ZNF696: variants seen among roughly 807,000 people sequenced by gnomAD.
ZNF696 encodes the protein zinc finger protein 696.
ZNF696 carries 10 observed loss-of-function variants against 12.3 expected under a neutral mutation model. The observed-to-expected ratio is 0.81, with a 90% confidence interval of 0.50 to 1.38. The LOEUF (loss-of-function observed/expected upper bound fraction) is 1.38. Among genes scored for constraint, ZNF696 ranks in the 40% most tolerant of loss-of-function variants. ZNF696 has a pLI of 0.00. For missense variants in ZNF696, 675 were observed against 554.7 expected (o/e 1.22, Z -2.18); for synonymous variants, 304 against 243.9 (o/e 1.25, Z -2.29).
Position 143,296,287 on chromosome 8 carries a change from G to A in ZNF696, c.612G>A (p.Thr204=). The A allele has an allele frequency of 3.1e-6, 5 of 1,598,236 alleles. No individual in the cohort carries two copies. Among genetic ancestry groups the A allele is most frequent in the South Asian group, 1.1e-5 (1 of 90,442 alleles). The change falls in exon 3 of 3, where the codon ACG becomes ACA. Residue 204 remains threonine (T), a synonymous_variant. Transcript: ENST00000330143. ...FNLLRHQRVH[T]GEKPYACADC... is the part of the protein sequence containing the mutation. ...TCCTCCGGCACCAGCGCGTGCACAC[G>A]GGCGAGAAGCCCTACGCGTGCGCCG...
At chr8:143,294,947 G>A (rs1815682964) in intron 2 of ZNF696, among the ~76,000 whole-genome samples, 1 of 152,124 alleles carries the variant, frequency 6.6e-6, no homozygotes, top group Non-Finnish European at 1.5e-5. Flanking sequence ...AAAATAGCCT[G>A]GTGTGGTGGT....
chr8:143,293,858 G>C (rs940340329), intron 2 of ZNF696, among the ~76,000 whole-genome samples: 1 of 152,230 alleles, frequency 6.6e-6, no homozygotes, highest in Admixed American at 6.5e-5. Context: ...CTCAGTGTCA[G>C]GGGTCTGCAA....
At chr8:143,293,128 G>GA (rs753449496) in intron 2 of ZNF696, 63 bp downstream of exon 2, 2 of 1,377,746 alleles carry the variant, frequency 1.5e-6, no homozygotes, top group Non-Finnish European at 2.1e-6. Flanking sequence ...AGGAATACAG[G>GA]AAAAACACCA....
intron 2 of ZNF696, among the ~76,000 whole-genome samples, chr8:143,294,080 TTGGC>T (rs1168332746): frequency 0.1 from 15,475 of 152,042 alleles, 971 homozygotes; most frequent in African/African-American, 0.17. Flanking sequence ...GCTGGCCTCG[TTGGC>T]CCCCCTCCTC....
rs761389751 is a variant in ZNF696, at chr8:143,293,046, C to A, written c.45C>A (p.Thr15=). The change falls in exon 2 of 3, where the codon ACC becomes ACA. Residue 15 remains threonine (T), a synonymous_variant. Transcript: ENST00000330143. ...GEPTGAKESS[T]LMESLAAVKA... is the part of the protein sequence containing the mutation. ...CCACAGGTGCTAAAGAGAGCAGTAC[C>A]CTGATGGAGTCCCTTGCAGGTGAGG... 2 of 1,613,992 alleles carry A rather than the reference C, an allele frequency of 1.2e-6. No individual in the cohort carries two copies. Among genetic ancestry groups the A allele is most frequent in the Non-Finnish European group, 1.7e-6 (2 of 1,179,986 alleles).
chr8:143,296,387 G>A lies in ZNF696; in HGVS notation c.712G>A (p.Ala238Thr), dbSNP rs1045938933. 1.3e-6 allele frequency: 2 copies of A among 1,585,994 alleles called. No individual in the cohort carries two copies. Among genetic ancestry groups the A allele is most frequent in the East Asian group, 2.3e-5 (1 of 44,004 alleles). ...CACCCACACCGGGGAGAGGCTGTAC[G>A]CGTGCGGCGAGTGCGGGAAGCGCTT... Reference protein sequence around the residue: ...RRTHTGERLYACGECGKRFLH... With the variant: ...RRTHTGERLYTCGECGKRFLH... The change falls in exon 3 of 3, where the codon GCG (alanine) becomes ACG (threonine). Residue 238 changes from alanine to threonine, a missense_variant. Transcript: ENST00000330143.
chr8:143,296,878 G>A lies in ZNF696; in HGVS notation c.*78G>A, dbSNP rs1815730043. The A allele has an allele frequency of 1.6e-6, 2 of 1,269,568 alleles. No homozygotes were observed. The highest frequency in any genetic ancestry group is 3.2e-5 in the East Asian group (1 of 31,412). The allele number at this position is 1,269,568 out of a possible 1,614,324, so 78.6% of individuals were successfully genotyped here. On this transcript the variant is annotated 3_prime_UTR_variant, in exon 3 of 3. Coordinates refer to ENST00000330143, the MANE Select transcript of ZNF696 (RefSeq NM_030895.3). ...GCCGGGGGAGGCTCCTGTCCGCCCC[G>A]TGCGCGGTGAGGAAGTAACAGCCGG...
In ZNF696 at chr8:143,297,784, T is replaced by C. The variant is rs1036823909; in HGVS notation, c.*984T>C. 1 of 152,158 alleles carries C rather than the reference T, an allele frequency of 6.6e-6. No homozygotes were observed. The highest frequency in any genetic ancestry group is 2.4e-5 in the African/African-American group (1 of 41,412). 9.4% of individuals were successfully genotyped at this position (152,158 alleles called of 1,614,324 possible). ...TTCTGCACTAGCTCCGGGCAATTGG[T>C]GACAGAATCGAGTTAAATTGTAGGA... On this transcript the variant is annotated 3_prime_UTR_variant, in exon 3 of 3. Transcript: ENST00000330143.
intron 2 of ZNF696, chr8:143,295,295 G>T (rs1227821890): frequency 2.2e-6 from 1 of 455,210 alleles, no homozygotes; most frequent in African/African-American, 2.0e-5. Flanking sequence ...GACTGGGTGG[G>T]CCGAGGCTAG....
At position 143,295,970 on chromosome 8, in the gene ZNF696, C is replaced by G; in HGVS notation, c.295C>G (p.Gln99Glu). The stretch of plus-strand genomic sequence containing the variant: ...GGTCACTTCTGAGAAAACTGGAGGA[C>G]AGAGTGGCCTCGAGTCAGACGTCCC... ...GPVTSEKTGG[Q>E]SGLESDVPPN... is the part of the protein sequence containing the mutation. The change falls in exon 3 of 3, where the codon CAG (glutamine) becomes GAG (glutamate). Residue 99 changes from glutamine to glutamate, a missense_variant. Coordinates refer to ENST00000330143, the MANE Select transcript of ZNF696 (RefSeq NM_030895.3). The G allele has an allele frequency of 6.3e-7, 1 of 1,581,938 alleles. No individual in the cohort carries two copies. The highest frequency in any genetic ancestry group is 8.6e-7 in the Non-Finnish European group (1 of 1,163,680).
Position 143,296,466 on chromosome 8 carries a change from CGTACGA to C in ZNF696, c.794_799del (p.Tyr265_Glu266del). On this transcript the variant is annotated inframe_deletion, in exon 3 of 3. Coordinates refer to ENST00000330143, the MANE Select transcript of ZNF696 (RefSeq NM_030895.3). ...CGGCGGACCCACCACGGGGAGAACC[CGTACGA>C]GTGCCGGGAGTGCGGCCAGGCCTTC... 1 of 1,608,446 alleles carries C rather than the reference CGTACGA, an allele frequency of 6.2e-7. No homozygotes were observed.
At chr8:143,292,440 G>GTTTTTT (rs35335113) in intron 1 of ZNF696, among the ~76,000 whole-genome samples, 20 of 145,342 alleles carry the variant, frequency 1.4e-4, no homozygotes, top group Admixed American at 4.8e-4. Flanking sequence ...TCCCTTTTTG[G>GTTTTTT]TTTTTTTTTT....
At chr8:143,293,217 G>C (rs1414350714) in intron 2 of ZNF696, 152 bp downstream of exon 2, 1 of 633,670 alleles carries the variant, frequency 1.6e-6, no homozygotes, top group Non-Finnish European at 2.8e-6. Context: ...AGGCCCATCA[G>C]ATCTCCTGGG....
rs1815696908 is a variant in ZNF696, at chr8:143,295,733, T to G, written c.65-7T>G. ...CTAAAATCGTTCCTGTCTGGCCTCT[T>G]TTTCAGCTGTGAAGGCTGCTTTCCT... On this transcript the variant is annotated splice_region_variant and splice_polypyrimidine_tract_variant and intron_variant, in intron 2 of 2. Transcript: ENST00000330143. 6.4e-7 allele frequency: 1 copy of G among 1,574,020 alleles called. No individual in the cohort carries two copies. The highest frequency in any genetic ancestry group is 1.4e-5 in the African/African-American group (1 of 73,608).
chr8:143,296,094 C>G lies in ZNF696; in HGVS notation c.419C>G (p.Ala140Gly), dbSNP rs767194477. 8 of 1,604,358 alleles carry G rather than the reference C, an allele frequency of 5.0e-6. No homozygotes were observed. The highest frequency in any genetic ancestry group is 6.8e-6 in the Non-Finnish European group (8 of 1,175,482). ...CGRSFKCSSD[A>G]AKHRSIHSGE... is the part of the protein sequence containing the mutation. The stretch of plus-strand genomic sequence containing the variant: ...CGCAGCTTCAAGTGCTCCTCGGACG[C>G]GGCAAAGCACCGGAGCATCCACTCG... The change falls in exon 3 of 3, where the codon GCG becomes GGG. Residue 140 changes from alanine to glycine, a missense_variant. By Grantham distance (60) the Ala-to-Gly change is moderately conservative. Transcript: ENST00000330143.
In ZNF696 at chr8:143,296,357, C is replaced by A; in HGVS notation, c.682C>A (p.Arg228Ser). 6.3e-7 allele frequency: 1 copy of A among 1,593,212 alleles called. No homozygotes were observed. ...FGQRSDAAKH[R>S]RTHTGERLYA... ...CCAGAGGTCGGACGCCGCCAAGCAC[C>A]GCCGCACCCACACCGGGGAGAGGCT... is the stretch of plus-strand genomic sequence containing the variant. Residue 228 changes from arginine to serine, a missense_variant, in exon 3 of 3, where the codon CGC becomes AGC. Coordinates refer to ENST00000330143, the MANE Select transcript of ZNF696 (RefSeq NM_030895.3).
At position 143,296,483 on chromosome 8, in the gene ZNF696, T is replaced by G; in HGVS notation, c.808T>G (p.Cys270Gly). The change falls in exon 3 of 3, where the codon TGC (cysteine) becomes GGC (glycine). Residue 270 changes from cysteine to glycine, a missense_variant. By Grantham distance (159) the Cys-to-Gly change is radical (BLOSUM62 -3). Coordinates refer to ENST00000330143, the MANE Select transcript of ZNF696 (RefSeq NM_030895.3). ...GGAGAACCCGTACGAGTGCCGGGAG[T>G]GCGGCCAGGCCTTCAGCCAGAGCTC... ...HGENPYECRE[C>G]GQAFSQSSNL... is the part of the protein sequence containing the mutation. 6.2e-7 allele frequency: 1 copy of G among 1,607,934 alleles called. No individual in the cohort carries two copies. The highest frequency in any genetic ancestry group is 8.5e-7 in the Non-Finnish European group (1 of 1,179,008).
chr8:143,295,753 T>C lies in ZNF696; in HGVS notation c.78T>C (p.Ala26=). The change falls in exon 3 of 3, where the codon GCT becomes GCC. Residue 26 remains alanine (A), a synonymous_variant. Coordinates refer to ENST00000330143, the MANE Select transcript of ZNF696 (RefSeq NM_030895.3). ...LMESLAAVKA[A]FLAQAPSGSR... is the part of the protein sequence containing the mutation. ...CCTCTTTTTCAGCTGTGAAGGCTGC[T>C]TTCCTGGCGCAGGCCCCGAGTGGCA... 1 of 1,598,624 alleles carries C rather than the reference T, an allele frequency of 6.3e-7. No homozygotes were observed. Among genetic ancestry groups the C allele is most frequent in the Non-Finnish European group, 8.5e-7 (1 of 1,174,020 alleles).
rs1199780984 is a variant in ZNF696, at chr8:143,293,079, TC to T, written c.64+16del. 9 of 1,608,208 alleles carry T rather than the reference TC, an allele frequency of 5.6e-6. No homozygotes were observed. The East Asian group carries it at 2.0e-4, about 36-fold the overall frequency. ...AGTCCCTTGCAGGTGAGGGGACATG[TC>T]CACAGTCGGGCCCAGAGTTCCAGGG... On this transcript the variant is annotated intron_variant, in intron 2 of 2. Transcript: ENST00000330143.
Sources: gnomAD v4.1 joint callset for allele counts (sites outside exome capture counted in the v4.1 genomes callset) on GRCh38, gnomAD v4.1.1 for gene constraint, MANE v1.5 for transcripts, NCBI Gene and HGNC (gene_info 2026-07-23, HGNC 2026-07-21) for gene names.